CHST8: variants seen among roughly 807,000 people sequenced by gnomAD.
The protein encoded by CHST8 is carbohydrate sulfotransferase 8.
A neutral mutation model predicts 15.0 loss-of-function variants in CHST8; 10 were observed. The ratio of observed to expected loss-of-function variants is 0.67; its 90% CI spans 0.41 to 1.13. The LOEUF is 1.13. Among genes scored for constraint, CHST8 ranks in the 50% most tolerant of loss-of-function variants. CHST8 has a pLI of 0.00. For synonymous variants in CHST8, 259 were observed against 256.6 expected (o/e 1.01, Z -0.09); for missense variants, 634 against 608.2 (o/e 1.04, Z -0.45).
At chr19:33,681,045 C>T (rs1193727190) in intron 2 of CHST8, among the ~76,000 whole-genome samples, 2 of 152,146 alleles carry the variant, frequency 1.3e-5, no homozygotes, top group Admixed American at 1.3e-4. Flanking sequence ...TTGATACGGT[C>T]GAGATAGAGA....
intron 2 of CHST8, among the ~76,000 whole-genome samples, chr19:33,688,571 C>A (rs1036499630): frequency 6.6e-6 from 1 of 152,180 alleles, no homozygotes; most frequent in Non-Finnish European, 1.5e-5. Context: ...GACTGACATA[C>A]GCCAACCCAT....
rs1975049050 is a variant in CHST8, at chr19:33,773,139, T to A, written c.*76T>A. On this transcript the variant is annotated 3_prime_UTR_variant, in exon 5 of 5. Coordinates refer to ENST00000650847, the MANE Select transcript of CHST8 (RefSeq NM_001127895.2). ...TCCCGGGCATCCTCCTGTCCCTGGCTCCTCATCCTGGGAGCAACAGGGCTC... is the reference window on the plus strand; with the variant it reads ...TCCCGGGCATCCTCCTGTCCCTGGCACCTCATCCTGGGAGCAACAGGGCTC... 1.8e-5 allele frequency: 26 copies of A among 1,449,376 alleles called. No individual in the cohort carries two copies. Among genetic ancestry groups the A allele is most frequent in the Non-Finnish European group, 2.4e-5 (26 of 1,090,552 alleles). 89.8% of individuals were successfully genotyped at this position (1,449,376 alleles called of 1,614,324 possible). A position where few individuals can be genotyped will look rare whatever the true frequency, so the allele number is the denominator to read the frequency against.
At chr19:33,730,777 C>A (rs1973979563) in intron 3 of CHST8, among the ~76,000 whole-genome samples, 1 of 152,160 alleles carries the variant, frequency 6.6e-6, no homozygotes, top group African/African-American at 2.4e-5. Flanking sequence ...AGCTGAGGAG[C>A]AAGGAAGCCA....
chr19:33,769,160 C>A (rs539343892), intron 3 of CHST8, among the ~76,000 whole-genome samples: 3 of 152,218 alleles, frequency 2.0e-5, no homozygotes, highest in Admixed American at 2.0e-4. Flanking sequence ...GCCCACTGCC[C>A]TCCGAGGCTG....
intron 1 of CHST8, among the ~76,000 whole-genome samples, chr19:33,643,340 G>A (rs1479760664): frequency 2.6e-5 from 4 of 152,136 alleles, no homozygotes; most frequent in Admixed American, 2.6e-4. Context: ...AGTCATGCAT[G>A]TGCATAGCTT....
chr19:33,733,854 C>T (rs1479238228), intron 3 of CHST8, among the ~76,000 whole-genome samples: 1 of 152,226 alleles, frequency 6.6e-6, no homozygotes, highest in East Asian at 1.9e-4. Flanking sequence ...AGCACTTTCT[C>T]AACGGCCCAC....
At chr19:33,626,526 G>A (rs774067616) in intron 1 of CHST8, among the ~76,000 whole-genome samples, 1 of 152,208 alleles carries the variant, frequency 6.6e-6, no homozygotes, top group Non-Finnish European at 1.5e-5. Context: ...TAGGTCATGG[G>A]GGTGGCCCCT....
intron 1 of CHST8, among the ~76,000 whole-genome samples, chr19:33,638,264 A>G (rs1415418680): frequency 6.6e-6 from 1 of 152,172 alleles, no homozygotes; most frequent in Non-Finnish European, 1.5e-5. Flanking sequence ...ATTCTACTGT[A>G]TCTGTGCCTC....
chr19:33,756,031 G>A (rs988849000), intron 3 of CHST8, among the ~76,000 whole-genome samples: 2 of 152,156 alleles, frequency 1.3e-5, no homozygotes, highest in Admixed American at 6.5e-5. Flanking sequence ...GCAAACACCG[G>A]CTTCCAGTTC....
chr19:33,641,095 G>A (rs563352228), intron 1 of CHST8, among the ~76,000 whole-genome samples: 44 of 152,208 alleles, frequency 2.9e-4, no homozygotes, highest in Non-Finnish European at 6.2e-4. Flanking sequence ...TCAGCTGAGA[G>A]GCACTGCTGT....
intron 2 of CHST8, among the ~76,000 whole-genome samples, chr19:33,687,514 A>G (rs1390739608): frequency 1.3e-5 from 2 of 152,348 alleles, no homozygotes; most frequent in East Asian, 3.9e-4. Flanking sequence ...AAACAGGCCC[A>G]GCTCAGTGAT....
intron 3 of CHST8, among the ~76,000 whole-genome samples, chr19:33,769,811 C>T (rs911102524): frequency 6.6e-6 from 1 of 152,106 alleles, no homozygotes; most frequent in Non-Finnish European, 1.5e-5. Flanking sequence ...CCCACATGCA[C>T]GCATGTGCAC....
At chr19:33,704,030 C>T (rs961094839) in intron 3 of CHST8, among the ~76,000 whole-genome samples, 2 of 152,162 alleles carry the variant, frequency 1.3e-5, no homozygotes, top group African/African-American at 4.8e-5. Context: ...CGGGGGCTGC[C>T]TGTCATCTTG....
At chr19:33,709,786 A>T (rs1973514475) in intron 3 of CHST8, among the ~76,000 whole-genome samples, 1 of 152,132 alleles carries the variant, frequency 6.6e-6, no homozygotes. Context: ...TTTCTTTTTA[A>T]ATGTTTATTA....
At chr19:33,745,194 TAA>T (rs1974289777) in intron 3 of CHST8, among the ~76,000 whole-genome samples, 1 of 152,220 alleles carries the variant, frequency 6.6e-6, no homozygotes, top group Non-Finnish European at 1.5e-5. Context: ...CTGCTACTCT[TAA>T]GTCTTGAGAC....
chr19:33,702,917 C>G (rs1309135107), intron 3 of CHST8, among the ~76,000 whole-genome samples: 1 of 152,232 alleles, frequency 6.6e-6, no homozygotes, highest in South Asian at 2.1e-4. Context: ...AGGCATTGAG[C>G]CCAAGGAGGA....
chr19:33,624,959 G>A (rs1256966310), intron 1 of CHST8, among the ~76,000 whole-genome samples: 3 of 152,160 alleles, frequency 2.0e-5, no homozygotes, highest in Non-Finnish European at 4.4e-5. Context: ...TACATCTGCT[G>A]CTTTGCAGCT....
chr19:33,656,347 T>C (rs1339676721), intron 1 of CHST8, among the ~76,000 whole-genome samples: 2 of 152,098 alleles, frequency 1.3e-5, no homozygotes. Flanking sequence ...ATCCCATCAG[T>C]TATAAGAAGC....
intron 1 of CHST8, among the ~76,000 whole-genome samples, chr19:33,639,086 CAAAAAAAAAAAA>C (rs34970478): frequency 1.5e-5 from 1 of 64,674 alleles, no homozygotes; most frequent in Non-Finnish European, 2.9e-5. Context: ...TGATCCTGAC[CAAAAAAAAAAAA>C]AAAAAAAAAA....
Sources: allele counts gnomAD v4.1 joint callset (sites outside exome capture counted in the v4.1 genomes callset), GRCh38; gene constraint gnomAD v4.1.1; transcripts MANE v1.5; gene names NCBI Gene and HGNC (gene_info 2026-07-23, HGNC 2026-07-21).